Variants in PCM1 observed in about 807,000 individuals in gnomAD.
PCM1 encodes pericentriolar material 1 protein.
PCM1 carries 157 observed loss-of-function variants against 241.9 expected under a neutral mutation model. That is an observed-to-expected ratio of 0.65 (90% CI 0.57 to 0.74). The LOEUF (loss-of-function observed/expected upper bound fraction) is 0.74. PCM1 is among the 30% of genes least tolerant of loss of function. The pLI, the probability that PCM1 is intolerant of heterozygous loss-of-function variation, is 0.00. For missense variants in PCM1, 3,478 were observed against 2,360.1 expected, an observed-to-expected ratio of 1.47 and a Z score of -9.81; for synonymous variants, 1,085 against 784.9, an observed-to-expected ratio of 1.38 and a Z score of -6.39.
chr8:17,931,799 G>A (rs1021863295), intron 2 of PCM1, among the ~76,000 whole-genome samples: 7 of 151,976 alleles, frequency 4.6e-5, no homozygotes, highest in Non-Finnish European at 8.8e-5. Flanking sequence ...TACAGTAGTT[G>A]CAAAATGTTT....
At chr8:18,013,298 T>A in intron 34 of PCM1, among the ~76,000 whole-genome samples, 1 of 152,084 alleles carries the variant, frequency 6.6e-6, no homozygotes, top group Non-Finnish European at 1.5e-5. Context: ...GTAATTGTGG[T>A]TTTGGTCATT....
chr8:17,982,614 C>G (rs1464882037), intron 24 of PCM1: 1 of 152,124 alleles, frequency 6.6e-6, no homozygotes, highest in Non-Finnish European at 1.5e-5. Context: ...CCTGCCTCAG[C>G]CCACTGAGTA....
At position 17,989,958 on chromosome 8, in the gene PCM1, C is replaced by A; in HGVS notation, c.4510C>A (p.Pro1504Thr). ...SVLSVSSNFE[P>T]FATDDLGNTV... ...CCTGTCTGTATCATCAAATTTTGAGCCTTTTGCAACAGATGATCTAGGTAA... is the reference window on the plus strand; with the variant it reads ...CCTGTCTGTATCATCAAATTTTGAGACTTTTGCAACAGATGATCTAGGTAA... The change falls in exon 27 of 39, where the codon CCT (proline) becomes ACT (threonine). Residue 1504 changes from proline to threonine, a missense_variant. Pro to Thr is a conservative substitution (Grantham distance 38). Coordinates refer to ENST00000325083, the MANE Select transcript of PCM1 (RefSeq NM_006197.4). The A allele has an allele frequency of 6.5e-7, 1 of 1,532,636 alleles. No individual in the cohort carries two copies. 94.9% of individuals were successfully genotyped at this position (1,532,636 alleles called of 1,614,324 possible).
intron 23 of PCM1, among the ~76,000 whole-genome samples, chr8:17,976,800 A>G (rs1172178220): frequency 6.6e-6 from 1 of 152,192 alleles, no homozygotes; most frequent in Non-Finnish European, 1.5e-5. Context: ...CATCAGTCAC[A>G]CATTAGTACC....
At chr8:17,995,812 T>G (rs991047012) in intron 29 of PCM1, among the ~76,000 whole-genome samples, 1 of 152,106 alleles carries the variant, frequency 6.6e-6, no homozygotes, top group Admixed American at 6.5e-5. Flanking sequence ...TTAATTTTAT[T>G]TGTGTCTGTT....
At position 17,947,197 on chromosome 8, in the gene PCM1, T is replaced by G; in HGVS notation, c.795T>G (p.Pro265=). The change falls in exon 7 of 39, where the codon CCT becomes CCG. Residue 265 remains proline, a synonymous_variant. Transcript: ENST00000325083. ...GTCTTATTTTCCAGGCCAGAGATCC[T>G]CAGCAGGAGCCTATGGAAGAGATAG... is the stretch of plus-strand genomic sequence containing the variant. ...KFLKKILARD[P]QQEPMEEIEN... 1 of 1,595,734 alleles carries G rather than the reference T, an allele frequency of 6.3e-7. No homozygotes were observed. The highest frequency in any genetic ancestry group is 8.5e-7 in the Non-Finnish European group (1 of 1,170,102).
chr8:17,972,762 T>C (rs1004975612), intron 23 of PCM1, 75 bp downstream of exon 23: 10 of 857,734 alleles, frequency 1.2e-5, no homozygotes, highest in South Asian at 7.3e-5. Context: ...GACATAGATA[T>C]AGTTTCAGTA....
At position 17,972,628 on chromosome 8, in the gene PCM1, C is replaced by A; in HGVS notation, c.3884C>A (p.Pro1295His). Reference protein sequence around the residue: ...QASLASKDKTPKSKSKKRNST... With the variant: ...QASLASKDKTHKSKSKKRNST... ...AGCCTGGCATCTAAAGATAAAACTCCCAAGTCAAAAAGTAAGAAGAGGAAT... is the reference window on the plus strand; with the variant it reads ...AGCCTGGCATCTAAAGATAAAACTCACAAGTCAAAAAGTAAGAAGAGGAAT... The change falls in exon 23 of 39, where the codon CCC becomes CAC. Residue 1295 changes from proline to histidine, a missense_variant. Pro to His is a moderately conservative substitution (Grantham distance 77). Transcript: ENST00000325083. The A allele has an allele frequency of 6.3e-7, 1 of 1,580,584 alleles. No individual in the cohort carries two copies. Among genetic ancestry groups the A allele is most frequent in the Non-Finnish European group, 8.6e-7 (1 of 1,167,662 alleles).
chr8:17,979,408 G>A (rs2079914127), intron 23 of PCM1, among the ~76,000 whole-genome samples: 1 of 152,168 alleles, frequency 6.6e-6, no homozygotes. Flanking sequence ...AAGAGATACT[G>A]GAAAGTAGCT....
At chr8:17,940,471 A>G (rs1009237835) in intron 6 of PCM1, among the ~76,000 whole-genome samples, 1 of 152,230 alleles carries the variant, frequency 6.6e-6, no homozygotes, top group Admixed American at 6.5e-5. Context: ...CGAGGAAGTT[A>G]AAATGGATGG....
intron 28 of PCM1, among the ~76,000 whole-genome samples, chr8:17,993,176 A>G (rs1263518118): frequency 6.6e-6 from 1 of 151,982 alleles, no homozygotes; most frequent in African/African-American, 2.4e-5. Flanking sequence ...GCCAGTGTCT[A>G]TAAGGGTGTC....
At chr8:17,959,320 C>T (rs1392549175) in intron 13 of PCM1, among the ~76,000 whole-genome samples, 2 of 74,402 alleles carry the variant, frequency 2.7e-5, no homozygotes, top group Middle Eastern at 0.014. Context: ...AATAATACTG[C>T]ATATATATAT....
chr8:17,952,897 G>A (rs1433106154), intron 8 of PCM1, 73 bp from the exon 9 acceptor site: 2 of 857,710 alleles, frequency 2.3e-6, no homozygotes, highest in African/African-American at 1.7e-5. Context: ...GAATATTTAT[G>A]CATTTAAAAA....
intron 15 of PCM1, among the ~76,000 whole-genome samples, chr8:17,961,612 A>G (rs771423958): frequency 1.4e-4 from 22 of 152,100 alleles, no homozygotes; most frequent in African/African-American, 3.6e-4. Flanking sequence ...CTCCCGGCCT[A>G]TTGGCTAGCT....
intron 23 of PCM1, among the ~76,000 whole-genome samples, chr8:17,976,809 C>T (rs557866393): frequency 5.3e-4 from 81 of 152,054 alleles, no homozygotes; most frequent in African/African-American, 1.6e-3. Flanking sequence ...CACATTAGTA[C>T]CTTAACTTTG....
rs2092455418 is a variant in PCM1, at chr8:18,011,234, T to C, written c.5221-3T>C. The C allele has an allele frequency of 5.0e-6, 8 of 1,596,030 alleles. No homozygotes were observed. The highest frequency in any genetic ancestry group is 6.8e-6 in the Non-Finnish European group (8 of 1,171,024). On this transcript the variant is annotated splice_region_variant and splice_polypyrimidine_tract_variant and intron_variant, in intron 32 of 38. Transcript: ENST00000325083. ...TTAATTACTCAAATATTTTTGTGTCTAGGACAAGGATGAAACTGAAACAGT... is the reference window on the plus strand; with the variant it reads ...TTAATTACTCAAATATTTTTGTGTCCAGGACAAGGATGAAACTGAAACAGT...
At chr8:17,923,603 T>C (rs12718384) in intron 1 of PCM1, among the ~76,000 whole-genome samples, 100,962 of 151,358 alleles carry the variant, frequency 0.67, 34,429 homozygotes, top group Non-Finnish European at 0.74. Flanking sequence ...GTGGCCATAG[T>C]TCTTCCCCGC....
intron 29 of PCM1, among the ~76,000 whole-genome samples, chr8:18,003,631 A>G (rs547399370): frequency 1.3e-5 from 2 of 152,114 alleles, no homozygotes; most frequent in African/African-American, 2.4e-5. Context: ...CCCCCCTAGA[A>G]TAGTATCTCA....
Position 18,028,508 on chromosome 8 carries a change from T to TAAGA in PCM1, c.*847_*850dup, listed in dbSNP as rs544710742. 57 of 200,724 alleles carry TAAGA rather than the reference T, an allele frequency of 2.8e-4. No individual in the cohort carries two copies. Among genetic ancestry groups the TAAGA allele is most frequent in the East Asian group, 8.5e-4 (11 of 12,894 alleles). The allele number at this position is 200,724 out of a possible 1,614,324, so 12.4% of individuals were successfully genotyped here. A position where few individuals can be genotyped will look rare whatever the true frequency, so the allele number is the denominator to read the frequency against. On this transcript the variant is annotated 3_prime_UTR_variant, in exon 39 of 39. Transcript: ENST00000325083. ...TAATACAACTAAATTTCTGTAATAG[T>TAAGA]AAGATTCTGTATGCCTTCAGATAAA...
Sources: gnomAD v4.1 joint callset for allele counts (sites outside exome capture counted in the v4.1 genomes callset) on GRCh38, gnomAD v4.1.1 for gene constraint, MANE v1.5 for transcripts, NCBI Gene and HGNC (gene_info 2026-07-23, HGNC 2026-07-21) for gene names.